The following SP1 variants were observed in gnomAD, a reference collection of about 807,000 sequenced individuals.
SP1 encodes transcription factor Sp1.
A neutral mutation model predicts 66.3 loss-of-function variants in SP1; 6 were observed. The ratio of observed to expected loss-of-function variants is 0.09; its 90% CI spans 0.05 to 0.18. The LOEUF is 0.18. SP1 is among the 10% of genes least tolerant of loss of function. The pLI is 1.00. For missense variants in SP1, 848 were observed against 964.5 expected (o/e 0.88, Z 1.60); for synonymous variants, 417 against 360.8 (o/e 1.16, Z -1.77).
In SP1 at chr12:53,411,767, C is replaced by A. The variant is rs2136922211; in HGVS notation, c.*527C>A. ...ACCTTGGTCATTTTTTTTATATTGC[C>A]TTATTTCCCTATGGCTGAGCCTTGT... On this transcript the variant is annotated 3_prime_UTR_variant, in exon 6 of 6. Transcript: ENST00000327443. 1 of 151,758 alleles carries A rather than the reference C, an allele frequency of 6.6e-6. No homozygotes were observed. The highest frequency in any genetic ancestry group is 1.9e-4 in the East Asian group (1 of 5,170). The allele number at this position is 151,758 out of a possible 1,614,324, so 9.4% of individuals were successfully genotyped here.
intron 4 of SP1, among the ~76,000 whole-genome samples, chr12:53,407,507 A>G (rs566287632): frequency 6.1e-5 from 9 of 147,162 alleles, no homozygotes; most frequent in Admixed American, 1.3e-4. Flanking sequence ...TCTATTTTTA[A>G]TAGAGACAGG....
chr12:53,399,558 C>T (rs1302955563), intron 3 of SP1, among the ~76,000 whole-genome samples: 1 of 152,180 alleles, frequency 6.6e-6, no homozygotes, highest in Non-Finnish European at 1.5e-5. Context: ...GTCTCGATCT[C>T]CTGACCTTGT....
At chr12:53,380,346 G>GGC in intron 1 of SP1, 48 bp downstream of exon 1, 1 of 1,470,980 alleles carries the variant, frequency 6.8e-7, no homozygotes. Flanking sequence ...CGAGTGAGGG[G>GGC]GCGCGCGCGA....
At chr12:53,384,177 G>A (rs1293740966) in intron 3 of SP1, among the ~76,000 whole-genome samples, 1 of 152,076 alleles carries the variant, frequency 6.6e-6, no homozygotes, top group Non-Finnish European at 1.5e-5. Flanking sequence ...CACCATGTGA[G>A]CTAGGATGGT....
intron 4 of SP1, among the ~76,000 whole-genome samples, chr12:53,406,975 T>C (rs763877887): frequency 9.9e-5 from 15 of 151,334 alleles, no homozygotes; most frequent in Non-Finnish European, 1.3e-4. Flanking sequence ...CAGGCACCTG[T>C]CACCACACCC....
In SP1 at chr12:53,405,999, T is replaced by TAA. The variant is rs35657115; in HGVS notation, c.1676-578_1676-577dup. The stretch of plus-strand genomic sequence containing the variant: ...TACCGTAAAACTTAAAGTATAATAA[T>TAA]AAAAAAAAACAACTATGAGATTTGA... On this transcript the variant is annotated intron_variant, in intron 3 of 5. Transcript: ENST00000327443. Among the ~76,000 whole-genome samples the TAA allele has an allele frequency of 6.0e-4, 86 of 142,296 alleles. 1 individual carries two copies. Among genetic ancestry groups the TAA allele is most frequent in the African/African-American group, 1.9e-3 (74 of 38,490 alleles). The allele number at this position is 142,296 out of a possible 152,430, so 93.4% of individuals were successfully genotyped here.
intron 3 of SP1, among the ~76,000 whole-genome samples, chr12:53,393,660 C>T (rs866140329): frequency 3.3e-5 from 5 of 149,698 alleles, no homozygotes; most frequent in African/African-American, 2.5e-5. Flanking sequence ...TGCAATGGTG[C>T]GATCTTGGCT....
chr12:53,382,065 A>C, intron 2 of SP1, 45 bp from the exon 3 acceptor site: 1 of 1,577,432 alleles, frequency 6.3e-7, no homozygotes, highest in South Asian at 1.1e-5. Context: ...CTAGGCTGGC[A>C]GCTGGGTGTC....
rs1361039058 is a variant in SP1, at chr12:53,384,856, A to G, written c.1675+1234A>G. ...AAAAATTGGCCGGGTGTGGTGGTAC[A>G]TGCCTATGGGCCCAGCTACTCGGGA... On this transcript the variant is annotated intron_variant, in intron 3 of 5. Coordinates refer to ENST00000327443, the MANE Select transcript of SP1 (RefSeq NM_138473.3). Among the ~76,000 whole-genome samples the G allele has an allele frequency of 6.6e-5, 10 of 152,182 alleles. 1 individual carries two copies. In the East Asian group the frequency reaches 7.8e-4, roughly 12 times the overall value.
chr12:53,391,445 C>T (rs931062445), intron 3 of SP1, among the ~76,000 whole-genome samples: 7 of 149,322 alleles, frequency 4.7e-5, no homozygotes, highest in African/African-American at 1.7e-4. Flanking sequence ...CTCCTTCAGC[C>T]TCCCGAGTAG....
At chr12:53,392,618 A>G (rs1938380604) in intron 3 of SP1, among the ~76,000 whole-genome samples, 1 of 151,064 alleles carries the variant, frequency 6.6e-6, no homozygotes, top group Non-Finnish European at 1.5e-5. Context: ...CGGCCTCCCA[A>G]AGTGCTGGGA....
intron 3 of SP1, among the ~76,000 whole-genome samples, chr12:53,401,592 C>T (rs1938613264): frequency 6.6e-6 from 1 of 151,434 alleles, no homozygotes; most frequent in African/African-American, 2.4e-5. Flanking sequence ...ATAATCATTA[C>T]TTATTTTAAG....
chr12:53,380,681 T>C, intron 1 of SP1: 1 of 981,032 alleles, frequency 1.0e-6, no homozygotes, highest in South Asian at 4.7e-5. Context: ...TGGTCCGCCC[T>C]CTGGTCGCCG....
At chr12:53,405,653 C>T (rs973410173) in intron 3 of SP1, among the ~76,000 whole-genome samples, 2 of 149,718 alleles carry the variant, frequency 1.3e-5, no homozygotes, top group African/African-American at 5.0e-5. Flanking sequence ...GCCAGCGAGA[C>T]TCTGTCTCAA....
In SP1 at chr12:53,381,652, A is replaced by G; in HGVS notation, c.8-7A>G. The G allele has an allele frequency of 1.9e-6, 3 of 1,598,936 alleles. No homozygotes were observed. Among genetic ancestry groups the G allele is most frequent in the Non-Finnish European group, 2.6e-6 (3 of 1,173,896 alleles). The stretch of plus-strand genomic sequence containing the variant: ...AGTTTACGTTGTTTGTTTTTTAATT[A>G]TTTTAGACCAAGATCACTCCATGGA... On this transcript the variant is annotated splice_polypyrimidine_tract_variant and splice_region_variant and intron_variant, in intron 1 of 5. Transcript: ENST00000327443.
intron 3 of SP1, among the ~76,000 whole-genome samples, chr12:53,406,040 T>G (rs978568624): frequency 6.6e-6 from 1 of 151,110 alleles, no homozygotes; most frequent in African/African-American, 2.4e-5. Context: ...TTTTTACGTA[T>G]TTATTGGCTC....
chr12:53,380,841 G>T lies in SP1; in HGVS notation c.7+543G>T, dbSNP rs553638415. On this transcript the variant is annotated intron_variant, in intron 1 of 5. Coordinates refer to ENST00000327443, the MANE Select transcript of SP1 (RefSeq NM_138473.3). ...CCCGAAACCTTCTGACTACTAACCT[G>T]TAGATCCCTTTAGTTCCTTAGCAGT... Among the ~76,000 whole-genome samples, 118 of 149,236 alleles carry T rather than the reference G, an allele frequency of 7.9e-4. 1 individual carries two copies. The highest frequency in any genetic ancestry group is 6.9e-3 in the Middle Eastern group (2 of 288).
At chr12:53,395,811 C>CA (rs372500453) in intron 3 of SP1, among the ~76,000 whole-genome samples, 241 of 110,658 alleles carry the variant, frequency 2.2e-3, no homozygotes, top group Admixed American at 2.7e-3. Flanking sequence ...ACCAAAAATA[C>CA]AAAAAAAAAA....
chr12:53,409,347 T>C lies in SP1; in HGVS notation c.1845-15T>C. ...CTCTAGAATGAATGATTAACAGTTG[T>C]GTCCTCACTTTCAGGGGCTCGGGGG... On this transcript the variant is annotated splice_polypyrimidine_tract_variant and intron_variant, in intron 4 of 5. Transcript: ENST00000327443. The C allele has an allele frequency of 6.2e-7, 1 of 1,608,778 alleles. No homozygotes were observed. Among genetic ancestry groups the C allele is most frequent in the South Asian group, 1.1e-5 (1 of 90,712 alleles).
Sources: gnomAD v4.1 joint callset for allele counts (sites outside exome capture counted in the v4.1 genomes callset) on GRCh38, gnomAD v4.1.1 for gene constraint, MANE v1.5 for transcripts, NCBI Gene and HGNC (gene_info 2026-07-23, HGNC 2026-07-21) for gene names.